SLCO1A2: variants seen among roughly 807,000 people sequenced by gnomAD.
SLCO1A2 encodes OATP-1.
SLCO1A2 carries 67 observed loss-of-function variants against 69.0 expected under a neutral mutation model. That is an observed-to-expected ratio of 0.97 (90% CI 0.80 to 1.19). SLCO1A2 has a LOEUF of 1.19. Ranked by LOEUF, SLCO1A2 falls within the 50% of genes most tolerant of loss-of-function variation. The pLI is 0.00. For synonymous variants in SLCO1A2, 260 were observed against 265.9 expected (o/e 0.98, Z 0.22); for missense variants, 787 against 793.7 (o/e 0.99, Z 0.10).
intron 2 of SLCO1A2, among the ~76,000 whole-genome samples, chr12:21,358,008 AGGTGGGGCAGGGT>A (rs1322954466): frequency 6.6e-6 from 1 of 152,124 alleles, no homozygotes; most frequent in Non-Finnish European, 1.5e-5. Context: ...GGGTGGCGTG[AGGTGGGGCAGGGT>A]GGAGTGAGTT....
At chr12:21,370,055 A>G (rs1021244512) in intron 2 of SLCO1A2, among the ~76,000 whole-genome samples, 14 of 152,234 alleles carry the variant, frequency 9.2e-5, no homozygotes, top group African/African-American at 1.2e-4. Context: ...AGAGAAAGCA[A>G]TTAGCAATTT....
Position 21,363,285 on chromosome 12 carries a change from C to CT in SLCO1A2, c.-63+11113dup, listed in dbSNP as rs754934593. ...TACATGGAAACTGAACAACCTGCTC[C>CT]TGAATGACTACTGGGTACATAACGA... is the stretch of plus-strand genomic sequence containing the variant. On this transcript the variant is annotated intron_variant, in intron 2 of 15. Coordinates refer to the SLCO1A2 transcript ENST00000307378. 1.4e-4 allele frequency among the ~76,000 whole-genome samples: 21 copies of CT among 152,136 alleles called. 1 individual carries two copies. The highest frequency in any genetic ancestry group is 2.8e-4 in the Non-Finnish European group (19 of 68,038).
At chr12:21,378,127 G>A (rs554307746) in intron 1 of SLCO1A2, 21 of 993,444 alleles carry the variant, frequency 2.1e-5, no homozygotes, top group Non-Finnish European at 2.9e-5. Context: ...AGTTACTTAT[G>A]TGAAAATTGT....
At chr12:21,316,762 T>G (rs1451327641) in intron 3 of SLCO1A2, among the ~76,000 whole-genome samples, 1 of 152,142 alleles carries the variant, frequency 6.6e-6, no homozygotes, top group African/African-American at 2.4e-5. Context: ...ATAAATTCTC[T>G]CTCTAGTTTT....
intron 2 of SLCO1A2, among the ~76,000 whole-genome samples, chr12:21,322,545 T>A (rs1297348006): frequency 6.6e-6 from 1 of 152,202 alleles, no homozygotes; most frequent in Non-Finnish European, 1.5e-5. Flanking sequence ...TTGGAAGAGT[T>A]ATTATCAATA....
chr12:21,359,364 T>C (rs1938629923), intron 2 of SLCO1A2, among the ~76,000 whole-genome samples: 1 of 151,762 alleles, frequency 6.6e-6, no homozygotes, highest in African/African-American at 2.4e-5. Flanking sequence ...ACCCTCTTCC[T>C]CAACTTGACT....
chr12:21,284,140 A>C (rs1038482764), intron 12 of SLCO1A2, among the ~76,000 whole-genome samples: 2 of 152,214 alleles, frequency 1.3e-5, no homozygotes, highest in South Asian at 4.1e-4. Context: ...AGCACTATTC[A>C]CAATAGTCAA....
intron 2 of SLCO1A2, among the ~76,000 whole-genome samples, chr12:21,340,716 T>C (rs554007047): frequency 1.4e-4 from 21 of 152,018 alleles, no homozygotes; most frequent in African/African-American, 5.1e-4. Context: ...AGTGGTAAAA[T>C]TGACACTTTG....
intron 1 of SLCO1A2, among the ~76,000 whole-genome samples, chr12:21,381,240 C>T (rs1382615183): frequency 6.6e-6 from 1 of 152,016 alleles, no homozygotes; most frequent in East Asian, 1.9e-4. Flanking sequence ...CCCACAGAAT[C>T]GGAGAAAATA....
chr12:21,292,354 A>T lies in SLCO1A2; in HGVS notation c.1438-18T>A. On this transcript the variant is annotated intron_variant, in intron 11 of 14. Transcript: ENST00000683939. ...TGGAACACCTGCCAAAAAATAACAT[A>T]TTATACTAAGAAGTAAAAATCTTGA... 6.3e-7 allele frequency: 1 copy of T among 1,598,708 alleles called. No homozygotes were observed.
intron 2 of SLCO1A2, among the ~76,000 whole-genome samples, chr12:21,349,798 A>G (rs891512311): frequency 6.6e-6 from 1 of 152,108 alleles, no homozygotes; most frequent in Non-Finnish European, 1.5e-5. Context: ...GCTAACTTCA[A>G]TTCATCTGTA....
At chr12:21,287,867 G>C (rs1344299482) in intron 12 of SLCO1A2, among the ~76,000 whole-genome samples, 1 of 93,358 alleles carries the variant, frequency 1.1e-5, no homozygotes, top group Non-Finnish European at 2.1e-5. Context: ...GTGGTGGGGT[G>C]GGGGGAGGGG....
intron 14 of SLCO1A2, among the ~76,000 whole-genome samples, chr12:21,272,936 A>AT (rs1163902403): frequency 6.6e-6 from 1 of 152,192 alleles, no homozygotes; most frequent in African/African-American, 2.4e-5. Flanking sequence ...AGAGTCTAAG[A>AT]TTTTACTTCA....
In SLCO1A2 at chr12:21,291,197, T is replaced by G. The variant is rs377555621; in HGVS notation, c.1610+967A>C. Among the ~76,000 whole-genome samples, 14 of 152,266 alleles carry G rather than the reference T, an allele frequency of 9.2e-5. 1 individual carries two copies. The highest frequency in any genetic ancestry group is 3.4e-4 in the African/African-American group (14 of 41,564). ...CATGCAGTGATGATATAAAAATTAC[T>G]CTAAATAGGACTGGTGAATTTATCT... is the stretch of plus-strand genomic sequence containing the variant. On this transcript the variant is annotated intron_variant, in intron 12 of 14. Transcript: ENST00000683939.
At chr12:21,400,355 A>G (rs1055785052), upstream of SLCO1A2, among the ~76,000 whole-genome samples, 47 of 152,114 alleles carry the variant, frequency 3.1e-4, no homozygotes, top group Non-Finnish European at 4.4e-4. Context: ...TAGAATGGCA[A>G]TCATTAAAAA....
chr12:21,416,797 T>G (rs1030911320), intron 1 of SLCO1A2, among the ~76,000 whole-genome samples: 1 of 152,058 alleles, frequency 6.6e-6, no homozygotes, highest in East Asian at 1.9e-4. Flanking sequence ...CATCATTGAA[T>G]TCAGGAAACA....
chr12:21,300,729 A>C (rs866515563), intron 7 of SLCO1A2, among the ~76,000 whole-genome samples, 160 bp from the exon 8 acceptor site: 1 of 152,194 alleles, frequency 6.6e-6, no homozygotes, highest in Admixed American at 6.5e-5. Context: ...TGGTGTTGTA[A>C]TATTGTCTAG....
At chr12:21,402,672 A>G (rs958775682) in intron 1 of SLCO1A2, among the ~76,000 whole-genome samples, 1 of 152,096 alleles carries the variant, frequency 6.6e-6, no homozygotes. Flanking sequence ...ATGCTGACCT[A>G]GAGGGATGTC....
At chr12:21,347,701 A>AAGGAAGGAAGGAAGGAAGGAAGGAAGG (rs1565510480) in intron 2 of SLCO1A2, among the ~76,000 whole-genome samples, 5 of 70,640 alleles carry the variant, frequency 7.1e-5, no homozygotes, top group African/African-American at 3.0e-4. Flanking sequence ...AGGAAGGAAG[A>AAGGAAGGAAGGAAGGAAGGAAGGAAGG]AGGAAAAAAG....
Sources: allele counts gnomAD v4.1 joint callset (sites outside exome capture counted in the v4.1 genomes callset), GRCh38; gene constraint gnomAD v4.1.1; transcripts MANE v1.5; gene names NCBI Gene and HGNC (gene_info 2026-07-23, HGNC 2026-07-21).